Variants in CENPK observed in about 807,000 individuals in gnomAD.
CENPK encodes the protein SoxLZ/Sox6-binding protein Solt.
CENPK carries 46 observed loss-of-function variants against 40.9 expected under a neutral mutation model. That is an observed-to-expected ratio of 1.13 (90% CI 0.89 to 1.44). The LOEUF is 1.44. Among genes scored for constraint, CENPK ranks in the 40% most tolerant of loss-of-function variants. The pLI, the probability that CENPK is intolerant of heterozygous loss-of-function variation, is 0.00. For synonymous variants in CENPK, 107 were observed against 104.4 expected, an observed-to-expected ratio of 1.02 and a Z score of -0.15; for missense variants, 288 against 303.5, an observed-to-expected ratio of 0.95 and a Z score of 0.38.
the CENPK span, among the ~76,000 whole-genome samples, chr5:65,510,026 T>C: frequency 2.0e-5 from 3 of 152,206 alleles, no homozygotes; most frequent in African/African-American, 4.8e-5. Context: ...TAAGCCTCCA[T>C]AGTCCCTGAG....
At chr5:65,555,647 A>G (rs1487196006) in intron 2 of CENPK, among the ~76,000 whole-genome samples, 1 of 152,252 alleles carries the variant, frequency 6.6e-6, no homozygotes, top group African/African-American at 2.4e-5. Context: ...AGACCAGGAT[A>G]ATATTGATAG....
At chr5:65,543,320 C>T (rs1389496073) in intron 5 of CENPK, among the ~76,000 whole-genome samples, 1 of 152,060 alleles carries the variant, frequency 6.6e-6, no homozygotes, top group Non-Finnish European at 1.5e-5. Flanking sequence ...AAATTTGATC[C>T]TATTTATGTA....
chr5:65,496,730 T>C, the CENPK span, among the ~76,000 whole-genome samples: 20 of 152,232 alleles, frequency 1.3e-4, no homozygotes, highest in East Asian at 3.9e-3. Flanking sequence ...TTGTTTTTTT[T>C]CCAAAGTATT....
rs1358635780 is a variant in CENPK at position 65,561,569 on chromosome 5, G to A, written c.-141-5C>T. Reference sequence around the variant, plus strand: ...TTGAATCTCCAGCCTCTAGACCTGTGAGAAATAAATTTCAGTTGTTTAATT... The same window carrying A: ...TTGAATCTCCAGCCTCTAGACCTGTAAGAAATAAATTTCAGTTGTTTAATT... On this transcript the variant is annotated splice_polypyrimidine_tract_variant and splice_region_variant and intron_variant, in intron 1 of 10. Transcript: ENST00000396679. 6 of 446,820 alleles carry A rather than the reference G, an allele frequency of 1.3e-5. No homozygotes were observed. Among genetic ancestry groups the A allele is most frequent in the African/African-American group, 6.2e-5 (3 of 48,176 alleles). The allele number at this position is 446,820 out of a possible 1,614,324, so 27.7% of individuals were successfully genotyped here.
intron 5 of CENPK, among the ~76,000 whole-genome samples, chr5:65,544,744 T>C (rs1748598134): frequency 6.6e-6 from 1 of 152,124 alleles, no homozygotes; most frequent in Admixed American, 6.6e-5. Flanking sequence ...TGGAAGAACT[T>C]TGAGGACATT....
intron 6 of CENPK, among the ~76,000 whole-genome samples, chr5:65,531,535 C>G (rs1221145960): frequency 6.7e-6 from 1 of 148,438 alleles, no homozygotes; most frequent in Non-Finnish European, 1.5e-5. Flanking sequence ...GACGGAATCT[C>G]GCTCTGTCGT....
At chr5:65,502,582 C>T in the CENPK span, among the ~76,000 whole-genome samples, 4 of 151,990 alleles carry the variant, frequency 2.6e-5, no homozygotes, top group South Asian at 6.2e-4. Flanking sequence ...GATATTTATT[C>T]TCTAACATGA....
chr5:65,557,937 G>A (rs565721780), intron 2 of CENPK, among the ~76,000 whole-genome samples: 11 of 152,256 alleles, frequency 7.2e-5, no homozygotes, highest in East Asian at 1.9e-4. Flanking sequence ...TATATGAAAC[G>A]TTTTCAAGAA....
In CENPK at chr5:65,551,386, T is replaced by C. The variant is rs545758774; in HGVS notation, c.241+178A>G. The C allele has an allele frequency of 1.6e-4, 84 of 524,334 alleles. No homozygotes were observed. The South Asian group carries it at 2.4e-3, about 15-fold the overall frequency. 32.5% of individuals were successfully genotyped at this position (524,334 alleles called of 1,614,324 possible). Reference sequence around the variant, plus strand: ...TATAATCTAATGTAAGATATGTTTATCAATAATAATAAAAGAAGTACAAAA... The same window carrying C: ...TATAATCTAATGTAAGATATGTTTACCAATAATAATAAAAGAAGTACAAAA... On this transcript the variant is annotated intron_variant, in intron 5 of 10. Coordinates refer to ENST00000396679, the MANE Select transcript of CENPK (RefSeq NM_022145.5).
At chr5:65,526,547 T>C (rs1237551022) in intron 9 of CENPK, among the ~76,000 whole-genome samples, 1 of 152,112 alleles carries the variant, frequency 6.6e-6, no homozygotes, top group African/African-American at 2.4e-5. Flanking sequence ...ATAAAAGATA[T>C]GCAAGATAGA....
rs1225478568 is a variant in CENPK at position 65,561,551 on chromosome 5, T to C, written c.-128A>G. ...AATGATGGCACCCAGATCTTGAATC[T>C]CCAGCCTCTAGACCTGTGAGAAATA... On this transcript the variant is annotated 5_prime_UTR_variant, in exon 2 of 11. Coordinates refer to ENST00000396679, the MANE Select transcript of CENPK (RefSeq NM_022145.5). The C allele has an allele frequency of 2.2e-6, 1 of 455,734 alleles. No homozygotes were observed. Among genetic ancestry groups the C allele is most frequent in the East Asian group, 7.0e-5 (1 of 14,378 alleles). 28.2% of individuals were successfully genotyped at this position (455,734 alleles called of 1,614,324 possible). A position where few individuals can be genotyped will look rare whatever the true frequency, so the allele number is the denominator to read the frequency against.
intron 2 of CENPK, 60 bp downstream of exon 2, chr5:65,561,403 G>A: frequency 5.3e-6 from 2 of 379,846 alleles, no homozygotes; most frequent in South Asian, 3.7e-5. Context: ...ATCTGGCTTG[G>A]CGATTTAATG....
At chr5:65,506,815 T>C in the CENPK span, among the ~76,000 whole-genome samples, 1 of 152,072 alleles carries the variant, frequency 6.6e-6, no homozygotes, top group Non-Finnish European at 1.5e-5. Flanking sequence ...AAAATAAATT[T>C]GTTTTTTCAA....
the CENPK span, among the ~76,000 whole-genome samples, chr5:65,510,315 A>G: frequency 6.6e-6 from 1 of 152,250 alleles, no homozygotes; most frequent in Admixed American, 6.5e-5. Flanking sequence ...TTGCTGATCA[A>G]TGGAGAAAGT....
the CENPK span, among the ~76,000 whole-genome samples, chr5:65,509,037 A>G: frequency 6.6e-6 from 1 of 152,200 alleles, no homozygotes; most frequent in East Asian, 1.9e-4. Context: ...TATATTCAGA[A>G]TACAAAAAAA....
chr5:65,528,909 AAATT>A lies in CENPK; in HGVS notation c.470+6_470+9del, dbSNP rs778309260. The A allele has an allele frequency of 2.8e-6, 4 of 1,447,686 alleles. No homozygotes were observed. The highest frequency in any genetic ancestry group is 3.8e-6 in the Non-Finnish European group (4 of 1,046,490). 89.7% of individuals were successfully genotyped at this position (1,447,686 alleles called of 1,614,324 possible). On this transcript the variant is annotated splice_donor_region_variant and intron_variant, in intron 8 of 10. Coordinates refer to ENST00000396679, the MANE Select transcript of CENPK (RefSeq NM_022145.5). Reference sequence around the variant, plus strand: ...TCCTATTTTAAAAACCTAGAACATAAAATTAATACCTTGATTCAGAAAATGTTTC... The same window carrying A: ...TCCTATTTTAAAAACCTAGAACATAAAATACCTTGATTCAGAAAATGTTTC...
chr5:65,561,180 G>C (rs1013425291), intron 2 of CENPK: 3 of 181,430 alleles, frequency 1.7e-5, no homozygotes, highest in Non-Finnish European at 3.6e-5. Context: ...CTAGTAGAAG[G>C]CTGAAAATCT....
At chr5:65,500,792 A>G in the CENPK span, among the ~76,000 whole-genome samples, 1 of 152,204 alleles carries the variant, frequency 6.6e-6, no homozygotes, top group East Asian at 1.9e-4. Context: ...CCTCCCCAGT[A>G]GCTGGGACTA....
chr5:65,552,793 A>C (rs533775804), intron 3 of CENPK, among the ~76,000 whole-genome samples: 1 of 151,994 alleles, frequency 6.6e-6, no homozygotes, highest in Non-Finnish European at 1.5e-5. Context: ...CCCAAAAACT[A>C]ATAGCTAGAA....
Sources: allele counts gnomAD v4.1 joint callset (sites outside exome capture counted in the v4.1 genomes callset), GRCh38; gene constraint gnomAD v4.1.1; transcripts MANE v1.5; gene names NCBI Gene and HGNC (gene_info 2026-07-23, HGNC 2026-07-21).